The following SUSD3 variants were observed in gnomAD, a reference collection of about 807,000 sequenced individuals.
SUSD3 encodes the protein sushi domain containing 3.
SUSD3 carries 18 observed loss-of-function variants against 20.6 expected under a neutral mutation model. The observed-to-expected ratio is 0.87, with a 90% CI of 0.60 to 1.30. The LOEUF (loss-of-function observed/expected upper bound fraction) is 1.30, where lower values mean the gene tolerates loss of function less well. Among genes scored for constraint, SUSD3 ranks in the 50% most tolerant of loss-of-function variants. The pLI, the probability that SUSD3 is intolerant of heterozygous loss-of-function variation, is 0.00. For missense variants in SUSD3, 306 were observed against 346.9 expected, an observed-to-expected ratio of 0.88 and a Z score of 0.94; for synonymous variants, 137 against 141.5, an observed-to-expected ratio of 0.97 and a Z score of 0.23.
intron 1 of SUSD3, among the ~76,000 whole-genome samples, chr9:93,060,391 A>G (rs2118894747): frequency 6.6e-6 from 1 of 152,252 alleles, no homozygotes; most frequent in South Asian, 2.1e-4. Flanking sequence ...AGTGGAGCCC[A>G]GGGAGGGTAC....
chr9:93,077,768 C>A (rs1023697948), intron 2 of SUSD3, 78 bp from the exon 3 acceptor site: 1 of 1,548,886 alleles, frequency 6.5e-7, no homozygotes, highest in African/African-American at 1.4e-5. Flanking sequence ...ACCCGTACCA[C>A]CCCTGAGACC....
chr9:93,076,278 G>A (rs7046328), intron 2 of SUSD3, among the ~76,000 whole-genome samples: 23,667 of 152,096 alleles, frequency 0.16, 3,392 homozygotes, highest in African/African-American at 0.38. Context: ...GAGCCAGCAC[G>A]TTTTCATCTG....
intron 1 of SUSD3, among the ~76,000 whole-genome samples, chr9:93,059,803 T>C (rs1825437621): frequency 6.6e-6 from 1 of 152,188 alleles, no homozygotes; most frequent in Admixed American, 6.5e-5. Context: ...AAACTGCGGC[T>C]CAGGGAGCTA....
At chr9:93,066,216 CA>C (rs1159127015) in intron 1 of SUSD3, among the ~76,000 whole-genome samples, 1 of 151,700 alleles carries the variant, frequency 6.6e-6, no homozygotes, top group African/African-American at 2.4e-5. Flanking sequence ...AGATAAGAAG[CA>C]AAAAAAGTAT....
chr9:93,071,286 G>C (rs1825901363), intron 1 of SUSD3, among the ~76,000 whole-genome samples: 1 of 152,220 alleles, frequency 6.6e-6, no homozygotes, highest in African/African-American at 2.4e-5. Context: ...AAGCCAGTCT[G>C]AGTCCTAAAA....
chr9:93,080,318 C>CAAAAAAA (rs56134136), intron 4 of SUSD3, among the ~76,000 whole-genome samples: 18 of 56,658 alleles, frequency 3.2e-4, no homozygotes, highest in Non-Finnish European at 6.0e-4. Context: ...GACTCCGTCT[C>CAAAAAAA]AAAAAAAAAA....
chr9:93,075,762 T>A, intron 1 of SUSD3, 22 bp from the exon 2 acceptor site: 2 of 384,282 alleles, frequency 5.2e-6, no homozygotes, highest in Non-Finnish European at 7.7e-6. Flanking sequence ...CCGCCATGCC[T>A]CATACCTGCC....
chr9:93,075,771 C>A lies in SUSD3; in HGVS notation c.89-13C>A. On this transcript the variant is annotated splice_polypyrimidine_tract_variant and intron_variant, in intron 1 of 4. Transcript: ENST00000375472. ...CCCCCCCCGCCATGCCTCATACCTGCCTGTCTCCCCAGGCACGTGCGCTAA... is the reference window on the plus strand; with the variant it reads ...CCCCCCCCGCCATGCCTCATACCTGACTGTCTCCCCAGGCACGTGCGCTAA... The A allele has an allele frequency of 7.7e-7, 1 of 1,299,942 alleles. No homozygotes were observed. Among genetic ancestry groups the A allele is most frequent in the Non-Finnish European group, 1.0e-6 (1 of 957,012 alleles). 80.5% of individuals were successfully genotyped at this position (1,299,942 alleles called of 1,614,324 possible). A position where few individuals can be genotyped will look rare whatever the true frequency, so the allele number is the denominator to read the frequency against.
intron 1 of SUSD3, among the ~76,000 whole-genome samples, chr9:93,074,864 G>A (rs1224443182): frequency 1.3e-5 from 2 of 151,886 alleles, no homozygotes; most frequent in African/African-American, 2.4e-5. Context: ...CACCTGCCTC[G>A]GCCTCCCAAA....
chr9:93,060,437 T>TC (rs1380684455), intron 1 of SUSD3, among the ~76,000 whole-genome samples: 5 of 152,158 alleles, frequency 3.3e-5, no homozygotes, highest in African/African-American at 1.2e-4. Flanking sequence ...TCATCTGGAC[T>TC]CCATCACTCC....
chr9:93,061,660 C>G (rs1825509817), intron 1 of SUSD3, among the ~76,000 whole-genome samples: 1 of 152,208 alleles, frequency 6.6e-6, no homozygotes, highest in South Asian at 2.1e-4. Context: ...TGTGGGACAC[C>G]CACATGTAGT....
chr9:93,074,750 A>C (rs1564190983), intron 1 of SUSD3, among the ~76,000 whole-genome samples: 1 of 150,188 alleles, frequency 6.7e-6, no homozygotes, highest in Non-Finnish European at 1.5e-5. Context: ...GAGTAGCTGG[A>C]ATTACAGGCA....
intron 1 of SUSD3, among the ~76,000 whole-genome samples, chr9:93,063,794 G>A (rs1825597979): frequency 6.6e-6 from 1 of 152,056 alleles, no homozygotes; most frequent in South Asian, 2.1e-4. Context: ...TAGGACCTGG[G>A]CATGAGACCC....
chr9:93,082,356 C>T (rs577146370), intron 4 of SUSD3, among the ~76,000 whole-genome samples: 8 of 121,956 alleles, frequency 6.6e-5, no homozygotes, highest in East Asian at 2.4e-4. Context: ...CTTGCTCTGT[C>T]GTCCAGGCTG....
chr9:93,068,942 A>G (rs981377486), intron 1 of SUSD3, among the ~76,000 whole-genome samples: 1 of 152,236 alleles, frequency 6.6e-6, no homozygotes, highest in African/African-American at 2.4e-5. Context: ...TGAAAGATTA[A>G]TGATAACCAG....
chr9:93,068,374 A>G lies in SUSD3; in HGVS notation c.89-7410A>G, dbSNP rs181914443. Among the ~76,000 whole-genome samples the G allele has an allele frequency of 1.6e-4, 24 of 152,326 alleles. No individual in the cohort carries two copies. The East Asian group carries it at 3.3e-3, about 21-fold the overall frequency. On this transcript the variant is annotated intron_variant, in intron 1 of 4. Transcript: ENST00000375472. The stretch of plus-strand genomic sequence containing the variant: ...ATTCATGTTAATTTTAGCATATGGT[A>G]TGAGCTAGGGGTCCAGCTTCAGTTG...
intron 1 of SUSD3, among the ~76,000 whole-genome samples, chr9:93,070,985 G>A (rs968692591): frequency 3.3e-5 from 5 of 152,200 alleles, no homozygotes; most frequent in Non-Finnish European, 5.9e-5. Context: ...GGGCTGAGAC[G>A]TGTTGCTGAA....
rs141195230 is a variant in SUSD3 at position 93,085,050 on chromosome 9, A to G, written c.*303A>G. 1.1e-4 allele frequency: 34 copies of G among 305,810 alleles called. No individual in the cohort carries two copies. In the East Asian group the frequency reaches 1.8e-3, roughly 16 times the overall value. The allele number at this position is 305,810 out of a possible 1,614,324, so 18.9% of individuals were successfully genotyped here. A position where few individuals can be genotyped will look rare whatever the true frequency, so the allele number is the denominator to read the frequency against. ...CCTCCCACTAACTAGCATTCCTTTAAAGAGACTGGGAAATGTTTTAAGCAA... is the reference window on the plus strand; with the variant it reads ...CCTCCCACTAACTAGCATTCCTTTAGAGAGACTGGGAAATGTTTTAAGCAA... On this transcript the variant is annotated 3_prime_UTR_variant, in exon 5 of 5. Transcript: ENST00000375472. This position sits in a 1 kb window ranked among gnomAD's most constrained non-coding sequence, Gnocchi z 4.3.
chr9:93,070,385 G>A (rs1246293215), intron 1 of SUSD3, among the ~76,000 whole-genome samples: 1 of 152,218 alleles, frequency 6.6e-6, no homozygotes, highest in African/African-American at 2.4e-5. Context: ...TGCAAATGCT[G>A]AGGATCCATA....
Sources: gnomAD v4.1 joint callset for allele counts (sites outside exome capture counted in the v4.1 genomes callset) on GRCh38, gnomAD v4.1.1 for gene constraint, Gnocchi (gnomAD v3.1) non-coding constraint, MANE v1.5 for transcripts, NCBI Gene and HGNC (gene_info 2026-07-23, HGNC 2026-07-21) for gene names.